The following TEX14 variants were observed in gnomAD, a reference collection of about 807,000 sequenced individuals.
The protein encoded by TEX14 is testis expressed 14, intercellular bridge forming factor.
A neutral mutation model predicts 178.6 loss-of-function variants in TEX14; 168 were observed. The observed-to-expected ratio is 0.94, with a 90% confidence interval of 0.83 to 1.07. The LOEUF is 1.07. Among genes scored for constraint, TEX14 ranks in the 50% least tolerant of loss-of-function variants. The pLI, the probability that TEX14 is intolerant of heterozygous loss-of-function variation, is 0.00. For synonymous variants in TEX14, 626 were observed against 634.1 expected (o/e 0.99, Z 0.19); for missense variants, 1,730 against 1,753.6 (o/e 0.99, Z 0.24).
At chr17:58,631,613 T>C (rs1387057827) in intron 2 of TEX14, 3 of 146,398 alleles carry the variant, frequency 2.0e-5, no homozygotes, top group East Asian at 1.9e-4. Context: ...CAACTACTAT[T>C]AACATCTGAA....
chr17:58,679,931 G>A (rs1298549353), intron 1 of TEX14, among the ~76,000 whole-genome samples: 1 of 152,128 alleles, frequency 6.6e-6, no homozygotes, highest in Non-Finnish European at 1.5e-5. Context: ...CCCTTTGGAT[G>A]ATCTCATTCA....
At chr17:58,577,028 T>C (rs905082232) in intron 21 of TEX14, among the ~76,000 whole-genome samples, 1 of 152,250 alleles carries the variant, frequency 6.6e-6, no homozygotes, top group Non-Finnish European at 1.5e-5. Flanking sequence ...TTCATCTCTC[T>C]GGGATAAATG....
rs570151855 is a variant in TEX14 at position 58,646,969 on chromosome 17, C to T, written c.136+4897G>A. 7.9e-5 allele frequency among the ~76,000 whole-genome samples: 12 copies of T among 151,498 alleles called. No individual in the cohort carries two copies. In the East Asian group the frequency reaches 2.3e-3, roughly 30 times the overall value. ...TTCCCAGGCTGGAGTGCGATGGCAC[C>T]ATCTCGGCTCACTGCATCCTCCACC... On this transcript the variant is annotated intron_variant, in intron 2 of 31. Transcript: ENST00000349033.
At position 58,622,968 on chromosome 17, in the gene TEX14, G is replaced by A. The variant is rs775786868; in HGVS notation, c.296C>T (p.Ser99Leu). 2.1e-5 allele frequency: 34 copies of A among 1,610,590 alleles called. No homozygotes were observed. Among genetic ancestry groups the A allele is most frequent in the Middle Eastern group, 1.7e-4 (1 of 6,058 alleles). Residue 99 changes from serine to leucine, a missense_variant, in exon 4 of 32, where the codon TCG becomes TTG. By Grantham distance (145) the Ser-to-Leu change is moderately radical. Coordinates refer to ENST00000349033, the MANE Select transcript of TEX14 (RefSeq NM_031272.5). ...GSTPVHAAAF[S>L]GNQWILSKLL... ...TTTGCTAAGGATCCACTGATTGCCC[G>A]AAAATGCTGCTGCATGGACAGGGGT...
At chr17:58,629,154 A>C (rs928452215) in intron 3 of TEX14, among the ~76,000 whole-genome samples, 1 of 152,196 alleles carries the variant, frequency 6.6e-6, no homozygotes, top group African/African-American at 2.4e-5. Flanking sequence ...GCAAAAGCCG[A>C]AGTGCTTCAC....
At chr17:58,597,866 G>A (rs764086950) in intron 14 of TEX14, among the ~76,000 whole-genome samples, 10 of 152,122 alleles carry the variant, frequency 6.6e-5, no homozygotes, top group Non-Finnish European at 1.2e-4. Context: ...GGAAACTCAC[G>A]GAGGAGCCTC....
At chr17:58,682,659 C>A (rs1252363921) in intron 1 of TEX14, among the ~76,000 whole-genome samples, 1 of 152,190 alleles carries the variant, frequency 6.6e-6, no homozygotes, top group Non-Finnish European at 1.5e-5. Context: ...TAGGCGTGAG[C>A]CACCATGCCC....
At chr17:58,572,545 TGG>T (rs1376151741) in intron 23 of TEX14, among the ~76,000 whole-genome samples, 5 of 150,360 alleles carry the variant, frequency 3.3e-5, no homozygotes, top group Non-Finnish European at 7.4e-5. Flanking sequence ...GGCAGGAGAA[TGG>T]CATGAACCCG....
At chr17:58,585,610 G>GTTGT (rs2144410759) in intron 18 of TEX14, among the ~76,000 whole-genome samples, 191 bp downstream of exon 18, 1 of 83,066 alleles carries the variant, frequency 1.2e-5, no homozygotes, top group Admixed American at 1.3e-4. Context: ...CCCAGCTAAT[G>GTTGT]TTTTTTTTTT....
rs1567726896 is a variant in TEX14 at position 58,599,147 on chromosome 17, T to A, written c.2198A>T (p.Asp733Val). 4 of 1,614,178 alleles carry A rather than the reference T, an allele frequency of 2.5e-6. No individual in the cohort carries two copies. The highest frequency in any genetic ancestry group is 1.7e-5 in the Admixed American group (1 of 60,006). Residue 733 changes from aspartate to valine, a missense_variant, in exon 14 of 32, where the codon GAT becomes GTT. Physicochemically the swap from Asp to Val is radical, Grantham distance 152 (BLOSUM62 -3). Transcript: ENST00000349033. ...CATTATTGTCTGCATAATCTTTAGA[T>A]CCAGCACACACTTACTGATGAGATA... The part of the protein sequence containing the change: ...EEYLISKCVL[D>V]LKIMQTIMHE...
chr17:58,597,418 A>G (rs983448631), intron 14 of TEX14, among the ~76,000 whole-genome samples: 1 of 152,108 alleles, frequency 6.6e-6, no homozygotes, highest in African/African-American at 2.4e-5. Flanking sequence ...AAAATAAAAT[A>G]AAAAATAAAA....
chr17:58,606,152 T>G (rs895568249), intron 10 of TEX14, among the ~76,000 whole-genome samples: 4 of 152,106 alleles, frequency 2.6e-5, no homozygotes, highest in Non-Finnish European at 5.9e-5. Context: ...CCAACCAGAC[T>G]CCTTAAGAGC....
intron 2 of TEX14, among the ~76,000 whole-genome samples, chr17:58,636,650 G>A (rs913605299): frequency 2.0e-5 from 3 of 149,792 alleles, no homozygotes; most frequent in African/African-American, 5.1e-5. Flanking sequence ...ATTTGGGGCC[G>A]GGGGTGGTGG....
chr17:58,572,602 G>A (rs967815010), intron 23 of TEX14, among the ~76,000 whole-genome samples: 5 of 150,690 alleles, frequency 3.3e-5, no homozygotes, highest in South Asian at 2.1e-4. Context: ...ACTGCACTCC[G>A]GCCTGGGCAA....
chr17:58,592,083 A>G (rs1297620351), intron 15 of TEX14, among the ~76,000 whole-genome samples: 2 of 152,042 alleles, frequency 1.3e-5, no homozygotes, highest in East Asian at 3.9e-4. Flanking sequence ...AAAGAAAGAA[A>G]AAAAAATTAT....
chr17:58,625,589 G>T (rs2046117439), intron 3 of TEX14, among the ~76,000 whole-genome samples: 1 of 152,198 alleles, frequency 6.6e-6, no homozygotes, highest in Non-Finnish European at 1.5e-5. Context: ...GGTCCACCTG[G>T]TATCAAAATG....
chr17:58,639,147 G>C (rs1440758066), intron 2 of TEX14, among the ~76,000 whole-genome samples: 1 of 151,726 alleles, frequency 6.6e-6, no homozygotes, highest in African/African-American at 2.4e-5. Flanking sequence ...TTACAGGCGT[G>C]AGCCACCGCG....
At chr17:58,590,575 A>C (rs1204397593) in intron 15 of TEX14, among the ~76,000 whole-genome samples, 2 of 137,024 alleles carry the variant, frequency 1.5e-5, no homozygotes, top group Non-Finnish European at 3.3e-5. Flanking sequence ...TTGTTGTTTG[A>C]GACAGGGTCT....
chr17:58,627,571 G>A (rs1354945973), intron 3 of TEX14, among the ~76,000 whole-genome samples: 2 of 152,052 alleles, frequency 1.3e-5, no homozygotes, highest in Non-Finnish European at 2.9e-5. Context: ...AGGAGTTTGA[G>A]ATCAGCCTGG....
Sources: allele counts gnomAD v4.1 joint callset (sites outside exome capture counted in the v4.1 genomes callset), GRCh38; gene constraint gnomAD v4.1.1; transcripts MANE v1.5; gene names NCBI Gene and HGNC (gene_info 2026-07-23, HGNC 2026-07-21).